Variants in SERPINF2 observed in about 807,000 individuals in gnomAD.
SERPINF2 encodes the protein alpha-2-antiplasmin.
SERPINF2 carries 15 observed loss-of-function variants against 45.0 expected under a neutral mutation model. That is an observed-to-expected ratio of 0.33 (90% CI 0.22 to 0.51). The LOEUF (loss-of-function observed/expected upper bound fraction) is 0.51. Ranked by LOEUF, SERPINF2 falls within the 20% of genes least tolerant of loss-of-function variation. The pLI is 0.97. For missense variants in SERPINF2, 518 were observed against 637.4 expected, an observed-to-expected ratio of 0.81 and a Z score of 2.02; for synonymous variants, 283 against 277.9, an observed-to-expected ratio of 1.02 and a Z score of -0.18.
At position 1,747,500 on chromosome 17, in the gene SERPINF2, A is replaced by T; in HGVS notation, c.703A>T (p.Ile235Phe). 1 of 1,613,960 alleles carries T rather than the reference A, an allele frequency of 6.2e-7. No homozygotes were observed. Among genetic ancestry groups the T allele is most frequent in the Non-Finnish European group, 8.5e-7 (1 of 1,179,984 alleles). ...CACCGTGTTGCTTCTCCTCAACGCC[A>T]TCCACTTCCAGGGTGCGCTCCTCCT... ...EDTVLLLLNA[I>F]HFQGFWRNKF... Residue 235 changes from isoleucine to phenylalanine, a missense_variant, in exon 7 of 10, where the codon ATC (isoleucine) becomes TTC (phenylalanine). Physicochemically the swap from Ile to Phe is conservative, Grantham distance 21. Transcript: ENST00000453066.
At position 1,747,133 on chromosome 17, in the gene SERPINF2, G is replaced by T. The variant is rs199593577; in HGVS notation, c.482G>T (p.Arg161Leu). The T allele has an allele frequency of 3.7e-6, 6 of 1,612,024 alleles. No homozygotes were observed. Among genetic ancestry groups the T allele is most frequent in the Admixed American group, 1.7e-5 (1 of 60,012 alleles). The change falls in exon 6 of 10, where the codon CGA (arginine) becomes CTA (leucine). Residue 161 changes from arginine (R) to leucine (L), a missense_variant. Transcript: ENST00000453066. ...CAGGACCTGGGCCCCGGCGCGTTCC[G>T]ACTGGCTGCCAGGATGTACCTGCAG... ...LCQDLGPGAF[R>L]LAARMYLQKG... is the part of the protein sequence containing the mutation.
chr17:1,750,563 T>C (rs569091869), intron 8 of SERPINF2, among the ~76,000 whole-genome samples: 110 of 152,224 alleles, frequency 7.2e-4, no homozygotes, highest in African/African-American at 2.6e-3. Context: ...GCTGGGATTA[T>C]AGGCAGGAGC....
chr17:1,745,651 A>C lies in SERPINF2; in HGVS notation c.166-57A>C. 6.4e-7 allele frequency: 1 copy of C among 1,555,558 alleles called. No individual in the cohort carries two copies. Among genetic ancestry groups the C allele is most frequent in the East Asian group, 2.2e-5 (1 of 44,620 alleles). Reference sequence around the variant, plus strand: ...GCACAGGGGCTGTGACAAGGCCTTCAACACAGAACCTGGAGCTGACCCCTT... The same window carrying C: ...GCACAGGGGCTGTGACAAGGCCTTCCACACAGAACCTGGAGCTGACCCCTT... On this transcript the variant is annotated intron_variant, in intron 4 of 9. Transcript: ENST00000453066. The surrounding 1 kb of genome is among the most constrained non-coding windows in gnomAD (Gnocchi z 6.2).
At position 1,752,680 on chromosome 17, in the gene SERPINF2, G is replaced by A. The variant is rs1488072681; in HGVS notation, c.953G>A (p.Ser318Asn). The A allele has an allele frequency of 1.2e-6, 2 of 1,614,184 alleles. No individual in the cohort carries two copies. Among genetic ancestry groups the A allele is most frequent in the Admixed American group, 1.7e-5 (1 of 60,028 alleles). The change falls in exon 9 of 10, where the codon AGT (serine) becomes AAT (asparagine). Residue 318 changes from serine to asparagine, a missense_variant. Physicochemically the swap from Ser to Asn is conservative, Grantham distance 46 (BLOSUM62 1). This residue lies in a region of SERPINF2 where 435 missense variants were observed against 577.3 expected (regional missense o/e 0.75). Coordinates refer to ENST00000453066, the MANE Select transcript of SERPINF2 (RefSeq NM_000934.4). ...WNVSQVLANL[S>N]WDTLHPPLVW... ...GTGTCCCAGGTACTGGCCAACCTGAGTTGGGACACCCTGCACCCACCTCTG... is the reference window on the plus strand; with the variant it reads ...GTGTCCCAGGTACTGGCCAACCTGAATTGGGACACCCTGCACCCACCTCTG...
At chr17:1,743,427 G>C (rs564510434) in intron 1 of SERPINF2, among the ~76,000 whole-genome samples, 1 of 152,156 alleles carries the variant, frequency 6.6e-6, no homozygotes, top group East Asian at 1.9e-4. Flanking sequence ...TGAGAAAGAC[G>C]GGTTGGGGCC....
Position 1,754,492 on chromosome 17 carries a change from C to T in SERPINF2, c.1434C>T (p.Pro478=). 1.2e-6 allele frequency: 2 copies of T among 1,610,436 alleles called. No individual in the cohort carries two copies. Among genetic ancestry groups the T allele is most frequent in the Non-Finnish European group, 8.5e-7 (1 of 1,178,510 alleles). ...TCGGCCCTGACTTAAAACTTGTGCC[C>T]CCCATGGAGGAGGATTACCCCCAGT... The part of the protein sequence containing the change: ...KLFGPDLKLV[P]PMEEDYPQFG... Residue 478 remains proline (P), a synonymous_variant, in exon 10 of 10, where the codon CCC becomes CCT. Coordinates refer to ENST00000453066, the MANE Select transcript of SERPINF2 (RefSeq NM_000934.4).
Position 1,745,981 on chromosome 17 carries a change from C to T in SERPINF2, c.367+72C>T. 1 of 1,525,524 alleles carries T rather than the reference C, an allele frequency of 6.6e-7. No individual in the cohort carries two copies. Among genetic ancestry groups the T allele is most frequent in the Non-Finnish European group, 9.1e-7 (1 of 1,100,496 alleles). The allele number at this position is 1,525,524 out of a possible 1,614,324, so 94.5% of individuals were successfully genotyped here. On this transcript the variant is annotated intron_variant, in intron 5 of 9. Coordinates refer to ENST00000453066, the MANE Select transcript of SERPINF2 (RefSeq NM_000934.4). This position sits in a 1 kb window ranked among gnomAD's most constrained non-coding sequence, Gnocchi z 6.2. ...AGGAACTCAGTACTCCAATGGTTCTCCGCGGGCGGTTCCTCCACCAGGGTC... is the reference window on the plus strand; with the variant it reads ...AGGAACTCAGTACTCCAATGGTTCTTCGCGGGCGGTTCCTCCACCAGGGTC...
At chr17:1,747,776 C>T (rs1905985473) in intron 7 of SERPINF2, among the ~76,000 whole-genome samples, 1 of 152,058 alleles carries the variant, frequency 6.6e-6, no homozygotes, top group Non-Finnish European at 1.5e-5. Context: ...GTTGGCCAGG[C>T]TGGCCTTGAA....
rs1906744186 is a variant in SERPINF2, at chr17:1,755,140, C to T, written c.*606C>T. The T allele has an allele frequency of 6.5e-6, 1 of 153,776 alleles. No homozygotes were observed. Among genetic ancestry groups the T allele is most frequent in the Non-Finnish European group, 1.4e-5 (1 of 69,184 alleles). The allele number at this position is 153,776 out of a possible 1,614,324, so 9.5% of individuals were successfully genotyped here. On this transcript the variant is annotated 3_prime_UTR_variant, in exon 10 of 10. Coordinates refer to ENST00000453066, the MANE Select transcript of SERPINF2 (RefSeq NM_000934.4). The surrounding 1 kb of genome is among the most constrained non-coding windows in gnomAD (Gnocchi z 4.2). ...TGCCAGCATTTCCCTTCCTTCCTCT[C>T]CTGTCTCCCTCCTCTGCCCGGGAGC...
At position 1,745,242 on chromosome 17, in the gene SERPINF2, G is replaced by A; in HGVS notation, c.102+29G>A. 14 of 1,584,252 alleles carry A rather than the reference G, an allele frequency of 8.8e-6. No homozygotes were observed. Among genetic ancestry groups the A allele is most frequent in the Non-Finnish European group, 1.2e-5 (14 of 1,165,896 alleles). ...CTGGGGAGTGAGGAGCCTGTGATGG[G>A]GGGAAGGTCCCGGGGGTCTCACTGG... On this transcript the variant is annotated intron_variant, in intron 3 of 9. Transcript: ENST00000453066. The surrounding 1 kb of genome is among the most constrained non-coding windows in gnomAD (Gnocchi z 6.2).
Position 1,754,159 on chromosome 17 carries a change from G to A in SERPINF2, c.1101G>A (p.Gly367=). 1 of 1,609,974 alleles carries A rather than the reference G, an allele frequency of 6.2e-7. No homozygotes were observed. The highest frequency in any genetic ancestry group is 8.5e-7 in the Non-Finnish European group (1 of 1,179,994). Residue 367 remains glycine, a synonymous_variant, in exon 10 of 10, where the codon GGG becomes GGA. Coordinates refer to ENST00000453066, the MANE Select transcript of SERPINF2 (RefSeq NM_000934.4). Reference sequence around the variant, plus strand: ...TGTTCCAGGCCCCAGACCTGCGTGGGATCTCCGAGCAGAGCCTGGTGGTGT... The same window carrying A: ...TGTTCCAGGCCCCAGACCTGCGTGGAATCTCCGAGCAGAGCCTGGTGGTGT... ...QELFQAPDLR[G]ISEQSLVVSG... is the part of the protein sequence containing the mutation.
At position 1,754,641 on chromosome 17, in the gene SERPINF2, T is replaced by C; in HGVS notation, c.*107T>C. 2 of 1,115,182 alleles carry C rather than the reference T, an allele frequency of 1.8e-6. No homozygotes were observed. The highest frequency in any genetic ancestry group is 3.0e-5 in the South Asian group (2 of 67,362). 69.1% of individuals were successfully genotyped at this position (1,115,182 alleles called of 1,614,324 possible). On this transcript the variant is annotated 3_prime_UTR_variant, in exon 10 of 10. Transcript: ENST00000453066. ...ACTGGGGCAGGGGCCGGGGGCAGTC[T>C]GAGAGAGGCCATTCTTTCCCAACAC...
Position 1,745,682 on chromosome 17 carries a change from C to T in SERPINF2, c.166-26C>T, listed in dbSNP as rs1176517074. 5 of 1,609,902 alleles carry T rather than the reference C, an allele frequency of 3.1e-6. No individual in the cohort carries two copies. Among genetic ancestry groups the T allele is most frequent in the Non-Finnish European group, 4.2e-6 (5 of 1,178,462 alleles). On this transcript the variant is annotated intron_variant, in intron 4 of 9. Transcript: ENST00000453066. This position sits in a 1 kb window ranked among gnomAD's most constrained non-coding sequence, Gnocchi z 6.2. ...GAACCTGGAGCTGACCCCTTGACCT[C>T]CCTGACCCCTGATCTGTCCCTGCAG...
chr17:1,744,892 C>A (rs1905652318), intron 1 of SERPINF2, 100 bp from the exon 2 acceptor site: 6 of 1,594,390 alleles, frequency 3.8e-6, no homozygotes, highest in Admixed American at 1.7e-5. Flanking sequence ...CCTTGGCAAT[C>A]ATGACCCAGG....
intron 8 of SERPINF2, among the ~76,000 whole-genome samples, chr17:1,750,971 G>A (rs181202122): frequency 1.1e-3 from 171 of 152,142 alleles, no homozygotes; most frequent in African/African-American, 3.9e-3. Flanking sequence ...CTTAGGCCCC[G>A]TCAGCCTTTC....
intron 7 of SERPINF2, 122 bp downstream of exon 7, chr17:1,747,634 G>A (rs1019618102): frequency 2.6e-5 from 29 of 1,099,798 alleles, no homozygotes; most frequent in Admixed American, 1.0e-4. Flanking sequence ...GCGCGATCTC[G>A]GCTCCCTGCA....
At chr17:1,750,950 C>T (rs886163056) in intron 8 of SERPINF2, among the ~76,000 whole-genome samples, 7 of 152,196 alleles carry the variant, frequency 4.6e-5, no homozygotes, top group South Asian at 2.1e-4. Context: ...CTTCATCCTT[C>T]GTCTCCTTTC....
intron 8 of SERPINF2, among the ~76,000 whole-genome samples, chr17:1,749,160 G>T (rs905024574): frequency 6.6e-6 from 1 of 152,222 alleles, no homozygotes; most frequent in East Asian, 1.9e-4. Context: ...GGGAGCGGTG[G>T]CTCACGCCTG....
rs749798097 is a variant in SERPINF2, at chr17:1,747,093, C to T, written c.442C>T (p.Leu148=). The T allele has an allele frequency of 6.2e-7, 1 of 1,610,686 alleles. No individual in the cohort carries two copies. Among genetic ancestry groups the T allele is most frequent in the East Asian group, 2.2e-5 (1 of 44,878 alleles). The change falls in exon 6 of 10, where the codon CTG becomes TTG. Residue 148 remains leucine, a synonymous_variant. Transcript: ENST00000453066. ...AGSGPCLPHL[L]SRLCQDLGPG... ...CTCAGGGCCCTGCCTCCCCCATCTG[C>T]TGAGCCGCCTCTGCCAGGACCTGGG...
Sources: allele counts gnomAD v4.1 joint callset (sites outside exome capture counted in the v4.1 genomes callset), GRCh38; gene constraint gnomAD v4.1.1; regional missense constraint gnomAD v4.1.1; non-coding constraint Gnocchi (gnomAD v3.1); transcripts MANE v1.5; gene names NCBI Gene and HGNC (gene_info 2026-07-23, HGNC 2026-07-21).